ZNF592: variants seen among roughly 807,000 people sequenced by gnomAD.
The protein encoded by ZNF592 is spinocerebellar ataxia, autosomal recessive 5.
ZNF592 carries 11 observed loss-of-function variants against 80.3 expected under a neutral mutation model. That is an observed-to-expected ratio of 0.14 (90% CI 0.09 to 0.23). ZNF592 has a LOEUF of 0.23. ZNF592 is among the 10% of genes least tolerant of loss of function. ZNF592 has a pLI of 1.00. For synonymous variants in ZNF592, 646 were observed against 640.3 expected, an observed-to-expected ratio of 1.01 and a Z score of -0.13; for missense variants, 1,420 against 1,633.9, an observed-to-expected ratio of 0.87 and a Z score of 2.26.
In ZNF592 at chr15:84,778,304, A is replaced by G. The variant is rs1281282194; in HGVS notation, c.-28A>G. 4 of 274,476 alleles carry G rather than the reference A, an allele frequency of 1.5e-5. No individual in the cohort carries two copies. Among genetic ancestry groups the G allele is most frequent in the African/African-American group, 4.6e-5 (2 of 43,642 alleles). The allele number at this position is 274,476 out of a possible 1,614,324, so 17.0% of individuals were successfully genotyped here. A position where few individuals can be genotyped will look rare whatever the true frequency, so the allele number is the denominator to read the frequency against. ...GAGGAGGTCCCTACCTGCCACGGAT[A>G]CCAGTCAGGTACACATGCAGAGGCT... On this transcript the variant is annotated 5_prime_UTR_variant, in exon 3 of 11. The change creates a new upstream start codon in the 5' untranslated region. Coordinates refer to ENST00000560079, the MANE Select transcript of ZNF592 (RefSeq NM_014630.3).
At chr15:84,800,716 A>G (rs907204582) in intron 10 of ZNF592, among the ~76,000 whole-genome samples, 1 of 152,216 alleles carries the variant, frequency 6.6e-6, no homozygotes. Context: ...TGTAAAATGT[A>G]CATCCTCCCT....
In ZNF592 at chr15:84,784,208, C is replaced by T; in HGVS notation, c.1533C>T (p.Val511=). Residue 511 remains valine (V), a synonymous_variant, in exon 4 of 11, where the codon GTC becomes GTT. Transcript: ENST00000560079. This position sits in a 1 kb window ranked among gnomAD's most constrained non-coding sequence, Gnocchi z 5.8. ...TGCACTTGGCCAACCTGAACCTCGT[C>T]CCCCACAGTGTTGCTGCATCAGTGA... ...KAVHLANLNL[V]PHSVAASVTA... is the part of the protein sequence containing the mutation. The T allele has an allele frequency of 6.2e-7, 1 of 1,614,214 alleles. No individual in the cohort carries two copies.
chr15:84,758,141 T>G (rs868628179), intron 1 of ZNF592, among the ~76,000 whole-genome samples: 7 of 150,530 alleles, frequency 4.7e-5, no homozygotes, highest in South Asian at 2.1e-4. Flanking sequence ...CCCGGCTAAT[T>G]TTTTATTTTT....
chr15:84,762,863 T>C (rs1039470786), intron 1 of ZNF592, among the ~76,000 whole-genome samples: 55 of 152,216 alleles, frequency 3.6e-4, no homozygotes, highest in Admixed American at 7.2e-4. Context: ...TTTAATGGTT[T>C]TCTAGAATCT....
chr15:84,782,167 A>C (rs1255272619), intron 3 of ZNF592, among the ~76,000 whole-genome samples: 1 of 152,236 alleles, frequency 6.6e-6, no homozygotes, highest in African/African-American at 2.4e-5. Context: ...GATTTGATTG[A>C]ATTTATGCAG....
intron 3 of ZNF592, among the ~76,000 whole-genome samples, chr15:84,778,731 G>A (rs1962337935): frequency 6.6e-6 from 1 of 152,200 alleles, no homozygotes; most frequent in Non-Finnish European, 1.5e-5. Context: ...TTTGGGCGAT[G>A]ACTCTTTCTG....
At chr15:84,777,334 G>A (rs1297552406) in intron 2 of ZNF592, among the ~76,000 whole-genome samples, 2 of 151,788 alleles carry the variant, frequency 1.3e-5, no homozygotes, top group Non-Finnish European at 2.9e-5. Context: ...AAAATTAGAC[G>A]GGCGTGGTGA....
rs1012369762 is a variant in ZNF592, at chr15:84,759,962, C to G, written c.-258-4745C>G. Among the ~76,000 whole-genome samples, 13 of 74,210 alleles carry G rather than the reference C, an allele frequency of 1.8e-4. No individual in the cohort carries two copies. The East Asian group carries it at 7.8e-3, about 44-fold the overall frequency. The allele number at this position is 74,210 out of a possible 152,430, so 48.7% of individuals were successfully genotyped here. A position where few individuals can be genotyped will look rare whatever the true frequency, so the allele number is the denominator to read the frequency against. On this transcript the variant is annotated intron_variant, in intron 1 of 10. Coordinates refer to ENST00000560079, the MANE Select transcript of ZNF592 (RefSeq NM_014630.3). The stretch of plus-strand genomic sequence containing the variant: ...TTAAGGATTGGGGAGATTCCCCCCC[C>G]CCCCACCCTGCCATTTAAAAAGTAA...
rs1322131522 is a variant in ZNF592 at position 84,757,128 on chromosome 15, A to G, written c.-258-7579A>G. On this transcript the variant is annotated intron_variant, in intron 1 of 10. Transcript: ENST00000560079. ...ACTGTCTCAATTAAAAAAAAAAATT[A>G]TTTTTGTAGTGATGATGGGGTCTTG... 2.0e-5 allele frequency among the ~76,000 whole-genome samples: 3 copies of G among 151,890 alleles called. No homozygotes were observed. The East Asian group carries it at 5.8e-4, about 29-fold the overall frequency.
intron 2 of ZNF592, among the ~76,000 whole-genome samples, chr15:84,768,949 AT>A (rs59448831): frequency 6.6e-6 from 1 of 151,160 alleles, no homozygotes; most frequent in East Asian, 1.9e-4. Flanking sequence ...CCTTTCTTTT[AT>A]TTTTTTTTGA....
intron 5 of ZNF592, among the ~76,000 whole-genome samples, chr15:84,792,395 T>C (rs1962774553): frequency 6.6e-6 from 1 of 152,238 alleles, no homozygotes; most frequent in Non-Finnish European, 1.5e-5. Flanking sequence ...TCTGGGAAGC[T>C]AACACGTATA....
intron 3 of ZNF592, among the ~76,000 whole-genome samples, chr15:84,780,789 TTG>T: frequency 6.6e-6 from 1 of 152,034 alleles, no homozygotes; most frequent in Non-Finnish European, 1.5e-5. Context: ...GTTGTTGTTG[TTG>T]TTGTTATTTT....
chr15:84,763,201 T>C (rs1368461107), intron 1 of ZNF592, among the ~76,000 whole-genome samples: 1 of 152,180 alleles, frequency 6.6e-6, no homozygotes, highest in African/African-American at 2.4e-5. Flanking sequence ...GGTGAGTTCC[T>C]TGTGCAGTGT....
intron 2 of ZNF592, 86 bp from the exon 3 acceptor site, chr15:84,778,097 C>T (rs2141980821): frequency 6.5e-6 from 1 of 153,098 alleles, no homozygotes; most frequent in East Asian, 1.9e-4. Context: ...ATTGCCTGCT[C>T]ATCACCCTCA....
At chr15:84,800,686 T>C (rs1963067420) in intron 10 of ZNF592, among the ~76,000 whole-genome samples, 1 of 152,188 alleles carries the variant, frequency 6.6e-6, no homozygotes, top group South Asian at 2.1e-4. Context: ...GATTGATGTT[T>C]TTGGCAACAC....
rs1209200713 is a variant in ZNF592, at chr15:84,783,360, C to T, written c.685C>T (p.His229Tyr). The T allele has an allele frequency of 1.2e-6, 2 of 1,614,242 alleles. No homozygotes were observed. Among genetic ancestry groups the T allele is most frequent in the Non-Finnish European group, 1.7e-6 (2 of 1,180,046 alleles). ...EQSGQNTVEP[H>Y]KDPDATRFFG... ...AAGTGGGCAGAACACAGTGGAACCTCACAAGGATCCGGATGCCACTCGATT... is the reference window on the plus strand; with the variant it reads ...AAGTGGGCAGAACACAGTGGAACCTTACAAGGATCCGGATGCCACTCGATT... The change falls in exon 4 of 11, where the codon CAC becomes TAC. Residue 229 changes from histidine to tyrosine, a missense_variant. Coordinates refer to ENST00000560079, the MANE Select transcript of ZNF592 (RefSeq NM_014630.3). The surrounding 1 kb of genome is among the most constrained non-coding windows in gnomAD (Gnocchi z 5.0).
chr15:84,773,055 T>A (rs1222504614), intron 2 of ZNF592, among the ~76,000 whole-genome samples: 3 of 152,294 alleles, frequency 2.0e-5, no homozygotes, highest in East Asian at 3.9e-4. Flanking sequence ...TGTTCTTAGT[T>A]CCTCAGAGCC....
intron 1 of ZNF592, among the ~76,000 whole-genome samples, chr15:84,758,675 G>A (rs1004338997): frequency 2.6e-5 from 4 of 151,862 alleles, no homozygotes; most frequent in Admixed American, 6.6e-5. Flanking sequence ...ACTTTTGGGG[G>A]CTGAGGTGGG....
rs1426688939 is a variant in ZNF592 at position 84,799,757 on chromosome 15, C to T, written c.3138-85C>T. 17 of 1,597,634 alleles carry T rather than the reference C, an allele frequency of 1.1e-5. No homozygotes were observed. In the Middle Eastern group the frequency reaches 2.5e-3, roughly 233 times the overall value. On this transcript the variant is annotated intron_variant, in intron 9 of 10. Coordinates refer to ENST00000560079, the MANE Select transcript of ZNF592 (RefSeq NM_014630.3). The surrounding 1 kb of genome is among the most constrained non-coding windows in gnomAD (Gnocchi z 4.2). ...CCAGCCCAGGAGTCTGCTCCAGACTCCCTCCTTCCTGGCCTTGGTGTGAAT... is the reference window on the plus strand; with the variant it reads ...CCAGCCCAGGAGTCTGCTCCAGACTTCCTCCTTCCTGGCCTTGGTGTGAAT...
Sources: allele counts gnomAD v4.1 joint callset (sites outside exome capture counted in the v4.1 genomes callset), GRCh38; gene constraint gnomAD v4.1.1; non-coding constraint Gnocchi (gnomAD v3.1); transcripts MANE v1.5; gene names NCBI Gene and HGNC (gene_info 2026-07-23, HGNC 2026-07-21).